The following AATF variants were observed in gnomAD, a reference collection of about 807,000 sequenced individuals.
The protein encoded by AATF is apoptosis antagonizing transcription factor.
AATF carries 48 observed loss-of-function variants against 63.7 expected under a neutral mutation model. The observed-to-expected ratio is 0.75, with a 90% CI of 0.60 to 0.96. The LOEUF (loss-of-function observed/expected upper bound fraction) is 0.96. Among genes scored for constraint, AATF ranks in the 40% least tolerant of loss-of-function variants. AATF has a pLI of 0.00. For missense variants in AATF, 639 were observed against 685.7 expected, an observed-to-expected ratio of 0.93 and a Z score of 0.76; for synonymous variants, 258 against 247.7, an observed-to-expected ratio of 1.04 and a Z score of -0.39.
intron 8 of AATF, among the ~76,000 whole-genome samples, chr17:37,016,073 G>A (rs1049079117): frequency 3.3e-5 from 5 of 152,088 alleles, no homozygotes; most frequent in South Asian, 2.1e-4. Context: ...GGAATTCTGC[G>A]GCCTAATACA....
intron 8 of AATF, among the ~76,000 whole-genome samples, chr17:37,002,574 A>G (rs1437575849): frequency 2.0e-5 from 3 of 151,746 alleles, no homozygotes; most frequent in Non-Finnish European, 4.4e-5. Flanking sequence ...TGGGAGGCTG[A>G]GGCAGGAGAA....
chr17:36,991,982 T>C (rs894739436), intron 8 of AATF, among the ~76,000 whole-genome samples: 11 of 152,350 alleles, frequency 7.2e-5, no homozygotes, highest in African/African-American at 2.6e-4. Flanking sequence ...ATACCAGTTA[T>C]TGTTGAGCCA....
chr17:37,028,279 A>G (rs1056899617), intron 10 of AATF, among the ~76,000 whole-genome samples: 11 of 151,990 alleles, frequency 7.2e-5, no homozygotes, highest in African/African-American at 2.7e-4. Context: ...TTAGCCAGGC[A>G]TGGTGGCGCA....
At chr17:37,020,162 C>G (rs1472343637) in intron 9 of AATF, among the ~76,000 whole-genome samples, 1 of 152,016 alleles carries the variant, frequency 6.6e-6, no homozygotes, top group African/African-American at 2.4e-5. Context: ...TTAATTCCTT[C>G]TTATCTAAAA....
Position 36,988,707 on chromosome 17 carries a change from G to A in AATF, c.1136G>A (p.Gly379Glu), listed in dbSNP as rs1473126993. ...KWHDKTKLAS[G>E]KLGKGFGAFE... ...CACGATAAGACCAAACTGGCTTCTG[G>A]AAAACTGGGGAAGGCAAGTGTGTGT... The change falls in exon 6 of 12, where the codon GGA becomes GAA. Residue 379 changes from glycine (G) to glutamate (E), a missense_variant. Transcript: ENST00000619387. 13 of 1,613,818 alleles carry A rather than the reference G, an allele frequency of 8.1e-6. No individual in the cohort carries two copies. The highest frequency in any genetic ancestry group is 1.1e-5 in the Non-Finnish European group (13 of 1,179,906).
At chr17:36,964,387 A>G (rs902862131) in intron 4 of AATF, among the ~76,000 whole-genome samples, 1 of 151,984 alleles carries the variant, frequency 6.6e-6, no homozygotes. Flanking sequence ...GGTGCCTGTA[A>G]TCCTAGCTAC....
intron 11 of AATF, among the ~76,000 whole-genome samples, chr17:37,033,427 G>T (rs1286673828): frequency 6.6e-6 from 1 of 152,132 alleles, no homozygotes; most frequent in East Asian, 1.9e-4. Flanking sequence ...GATATTAGTG[G>T]TATCTTTTGA....
intron 11 of AATF, among the ~76,000 whole-genome samples, chr17:37,038,707 G>A (rs1456392038): frequency 1.3e-5 from 2 of 152,092 alleles, no homozygotes; most frequent in Non-Finnish European, 2.9e-5. Context: ...TTCTCAAAAT[G>A]TACAGCAAGA....
chr17:37,038,708 T>C (rs964945937), intron 11 of AATF, among the ~76,000 whole-genome samples: 2 of 152,152 alleles, frequency 1.3e-5, no homozygotes, highest in African/African-American at 4.8e-5. Flanking sequence ...TCTCAAAATG[T>C]ACAGCAAGAG....
chr17:36,960,412 G>A (rs114510340), intron 4 of AATF, among the ~76,000 whole-genome samples: 3,069 of 152,250 alleles, frequency 0.02, 89 homozygotes, highest in African/African-American at 0.069. Flanking sequence ...ATGGAGTCTT[G>A]ATAATGTTTT....
intron 9 of AATF, among the ~76,000 whole-genome samples, chr17:37,020,423 T>TA (rs1414251585): frequency 6.6e-6 from 1 of 151,102 alleles, no homozygotes; most frequent in Non-Finnish European, 1.5e-5. Flanking sequence ...TTAAACAATT[T>TA]AAACAATTTA....
chr17:37,019,092 C>T lies in AATF; in HGVS notation c.1466+20C>T, dbSNP rs1445550714. 3.1e-6 allele frequency: 5 copies of T among 1,608,098 alleles called. No homozygotes were observed. The East Asian group carries it at 8.9e-5, about 29-fold the overall frequency. On this transcript the variant is annotated intron_variant, in intron 9 of 11. Coordinates refer to ENST00000619387, the MANE Select transcript of AATF (RefSeq NM_012138.4). ...GGGAAGGTAATTTAGATACAGCTTT[C>T]TGTTCATGCAAGCAGCCTATGTAAT...
intron 4 of AATF, among the ~76,000 whole-genome samples, chr17:36,971,866 C>T (rs754779814): frequency 9.2e-5 from 14 of 152,198 alleles, no homozygotes; most frequent in Non-Finnish European, 1.6e-4. Flanking sequence ...TGGGACAGAT[C>T]AGTGGCTACC....
chr17:37,032,804 A>C (rs1205112041), intron 11 of AATF, among the ~76,000 whole-genome samples: 1 of 152,204 alleles, frequency 6.6e-6, no homozygotes, highest in Non-Finnish European at 1.5e-5. Flanking sequence ...AAAATTTTTC[A>C]ATGACGAAAT....
intron 4 of AATF, among the ~76,000 whole-genome samples, chr17:36,967,721 A>G (rs544258848): frequency 6.6e-6 from 1 of 152,194 alleles, no homozygotes; most frequent in South Asian, 2.1e-4. Context: ...ATTTTTTTAG[A>G]CTTCAGTTGT....
chr17:37,014,070 A>G (rs894455722), intron 8 of AATF, among the ~76,000 whole-genome samples: 6 of 152,030 alleles, frequency 3.9e-5, no homozygotes, highest in Non-Finnish European at 7.4e-5. Flanking sequence ...TGATTTTAGT[A>G]TACTCATTTA....
In AATF at chr17:36,949,009, G is replaced by C; in HGVS notation, c.-117G>C. ...GTGGGGTGGCCTCCGCGCGGTCTCT[G>C]GCGGAGTCGGGGAATCGGATCAAGG... On this transcript the variant is annotated 5_prime_UTR_variant, in exon 1 of 12. Transcript: ENST00000619387. 9.9e-7 allele frequency: 1 copy of C among 1,011,522 alleles called. No individual in the cohort carries two copies. The allele number at this position is 1,011,522 out of a possible 1,614,324, so 62.7% of individuals were successfully genotyped here.
At chr17:37,045,832 A>G (rs2071685152) in intron 11 of AATF, 1 of 152,212 alleles carries the variant, frequency 6.6e-6, no homozygotes, top group African/African-American at 2.4e-5. Context: ...AGTGGGAGAG[A>G]TGCCCTGTTG....
chr17:37,021,762 G>C (rs1349766050), intron 10 of AATF, among the ~76,000 whole-genome samples: 1 of 116,306 alleles, frequency 8.6e-6, no homozygotes, highest in Non-Finnish European at 1.6e-5. Flanking sequence ...CCGAGATCGC[G>C]CCACTGCACT....
Sources: allele counts gnomAD v4.1 joint callset (sites outside exome capture counted in the v4.1 genomes callset), GRCh38; gene constraint gnomAD v4.1.1; transcripts MANE v1.5; gene names NCBI Gene and HGNC (gene_info 2026-07-23, HGNC 2026-07-21).